The following LIPA variants were observed in gnomAD, a reference collection of about 807,000 sequenced individuals.
The protein encoded by LIPA is lipase A, lysosomal acid type.
Under a neutral mutation model 40.6 loss-of-function variants are expected in LIPA, and 26 were observed. The observed-to-expected ratio is 0.64, with a 90% CI of 0.47 to 0.89. The LOEUF is 0.89. Ranked by LOEUF, LIPA falls within the 40% of genes least tolerant of loss-of-function variation. LIPA has a pLI of 0.00. For missense variants in LIPA, 455 were observed against 479.6 expected (o/e 0.95, Z 0.48); for synonymous variants, 188 against 168.4 (o/e 1.12, Z -0.90).
chr10:89,228,130 G>A lies in LIPA; in HGVS notation c.428+70C>T, dbSNP rs190583453. The A allele has an allele frequency of 3.0e-6, 4 of 1,327,122 alleles. No individual in the cohort carries two copies. In the Admixed American group the frequency reaches 5.0e-5, roughly 17 times the overall value. The allele number at this position is 1,327,122 out of a possible 1,614,324, so 82.2% of individuals were successfully genotyped here. A position where few individuals can be genotyped will look rare whatever the true frequency, so the allele number is the denominator to read the frequency against. ...GAGTTACCACCTATCTACCTCTTCT[G>A]CTGGAAGCCTGTTGTCTGCTTTAAG... On this transcript the variant is annotated intron_variant, in intron 4 of 9. Transcript: ENST00000336233.
chr10:89,414,659 C>G (rs1841510356), upstream of LIPA: 9 of 890,322 alleles, frequency 1.0e-5, no homozygotes, highest in South Asian at 1.8e-4. Flanking sequence ...CGCCGCGCGG[C>G]CGAGTCCAGG....
intron 3 of LIPA, among the ~76,000 whole-genome samples, chr10:89,234,393 T>C (rs1842879380): frequency 6.6e-6 from 1 of 152,222 alleles, no homozygotes; most frequent in South Asian, 2.1e-4. Context: ...AAGTCTCTTC[T>C]GAGGAGGGAG....
chr10:89,262,905 AG>A (rs1295429676), intron 1 of LIPA, among the ~76,000 whole-genome samples: 1 of 152,230 alleles, frequency 6.6e-6, no homozygotes, highest in African/African-American at 2.4e-5. Flanking sequence ...CTTTTTGTGA[AG>A]GGAACAGTAA....
At chr10:89,349,209 G>A (rs920527939) in intron 2 of LIPA, among the ~76,000 whole-genome samples, 2 of 152,134 alleles carry the variant, frequency 1.3e-5, no homozygotes, top group African/African-American at 2.4e-5. Flanking sequence ...AACACTGGAG[G>A]TTGACCCCGT....
At chr10:89,396,556 G>A (rs746065131) in intron 2 of LIPA, among the ~76,000 whole-genome samples, 1 of 152,130 alleles carries the variant, frequency 6.6e-6, no homozygotes, top group Admixed American at 6.5e-5. Flanking sequence ...ACAAGAATGA[G>A]AATTCACTCA....
At chr10:89,235,781 G>A (rs35472070) in intron 3 of LIPA, among the ~76,000 whole-genome samples, 26,097 of 152,212 alleles carry the variant, frequency 0.17, 2,418 homozygotes, top group African/African-American at 0.25. Context: ...AGTTCTTACT[G>A]GCTACAAAAC....
At chr10:89,277,278 A>G (rs1433686648) in intron 1 of LIPA, among the ~76,000 whole-genome samples, 1 of 152,242 alleles carries the variant, frequency 6.6e-6, no homozygotes, top group Admixed American at 6.5e-5. Context: ...TTTACTTACA[A>G]GTGTGCGATC....
intron 1 of LIPA, chr10:89,306,348 A>G (rs1385732262): frequency 6.8e-6 from 11 of 1,614,158 alleles, no homozygotes; most frequent in Non-Finnish European, 8.5e-6. Context: ...TCCAGTCCCT[A>G]TAGAATTGAG....
chr10:89,303,966 C>T (rs1013820237), intron 1 of LIPA, among the ~76,000 whole-genome samples: 3 of 152,128 alleles, frequency 2.0e-5, no homozygotes, highest in Admixed American at 1.3e-4. Context: ...ATGGAGAAAA[C>T]ACAGGGTCTG....
chr10:89,339,678 G>A (rs35430629), intron 1 of LIPA: 21,545 of 1,614,108 alleles, frequency 0.013, 195 homozygotes, highest in African/African-American at 0.037. Flanking sequence ...TCCTGGAGAC[G>A]GAATGTTATC....
At chr10:89,375,524 C>T (rs1479064171) in intron 2 of LIPA, among the ~76,000 whole-genome samples, 1 of 152,136 alleles carries the variant, frequency 6.6e-6, no homozygotes, top group African/African-American at 2.4e-5. Context: ...AACAAGATGG[C>T]AAATATCTGT....
chr10:89,382,333 T>C (rs1421362576), intron 2 of LIPA, among the ~76,000 whole-genome samples: 1 of 152,220 alleles, frequency 6.6e-6, no homozygotes, highest in African/African-American at 2.4e-5. Context: ...GAGGTAAATA[T>C]ACTTACATAG....
At chr10:89,412,578 C>G in intron 2 of LIPA, 1 of 171,882 alleles carries the variant, frequency 5.8e-6, no homozygotes, top group Non-Finnish European at 1.3e-5. Flanking sequence ...CTCTTCGCAA[C>G]GAATCTTGCT....
At chr10:89,350,908 G>A (rs557183168) in intron 2 of LIPA, among the ~76,000 whole-genome samples, 1 of 151,998 alleles carries the variant, frequency 6.6e-6, no homozygotes, top group African/African-American at 2.4e-5. Flanking sequence ...TCTTTCTCAG[G>A]GGGAGTTGGG....
At chr10:89,394,584 A>ATATATATATATATATTT (rs1844307437) in intron 2 of LIPA, among the ~76,000 whole-genome samples, 1 of 17,778 alleles carries the variant, frequency 5.6e-5, no homozygotes, top group African/African-American at 3.2e-4. Flanking sequence ...GAAAATATAT[A>ATATATATATATATATTT]TATATATATA....
chr10:89,411,446 T>C (rs1841468521), intron 2 of LIPA, among the ~76,000 whole-genome samples: 1 of 152,222 alleles, frequency 6.6e-6, no homozygotes, highest in African/African-American at 2.4e-5. Flanking sequence ...GAGCCATCTA[T>C]ACCAATTCTA....
intron 1 of LIPA, among the ~76,000 whole-genome samples, chr10:89,325,777 A>G (rs1020678898): frequency 6.6e-6 from 1 of 152,182 alleles, no homozygotes; most frequent in African/African-American, 2.4e-5. Flanking sequence ...GAGTGGGGTG[A>G]CTAAATAATC....
At chr10:89,296,489 CAA>C (rs750487920) in intron 1 of LIPA, among the ~76,000 whole-genome samples, 5 of 102,950 alleles carry the variant, frequency 4.9e-5, no homozygotes, top group East Asian at 2.6e-4. Flanking sequence ...GAGACTGTCT[CAA>C]AAAAAAAAAA....
chr10:89,215,423 T>G (rs1455978651), intron 9 of LIPA, among the ~76,000 whole-genome samples: 1 of 152,216 alleles, frequency 6.6e-6, no homozygotes, highest in Non-Finnish European at 1.5e-5. Context: ...TCCCTTTGGG[T>G]GTAAGACAAG....
Sources: gnomAD v4.1 joint callset for allele counts (sites outside exome capture counted in the v4.1 genomes callset) on GRCh38, gnomAD v4.1.1 for gene constraint, MANE v1.5 for transcripts, NCBI Gene and HGNC (gene_info 2026-07-23, HGNC 2026-07-21) for gene names.